Variants in ANKS1B observed in about 807,000 individuals in gnomAD.
The protein encoded by ANKS1B is ankyrin repeat and sterile alpha motif domain containing 1B, also known as ankyrin repeat and sterile alpha motif domain-containing protein 1B.
ANKS1B carries 36 observed loss-of-function variants against 148.3 expected under a neutral mutation model. That is an observed-to-expected ratio of 0.24 (90% confidence interval 0.19 to 0.32). ANKS1B has a LOEUF of 0.32. Among genes scored for constraint, ANKS1B ranks in the 10% least tolerant of loss-of-function variants. The pLI is 1.00. For missense variants in ANKS1B, 1,157 were observed against 1,542.6 expected, an observed-to-expected ratio of 0.75 and a Z score of 4.19; for synonymous variants, 542 against 560.8, an observed-to-expected ratio of 0.97 and a Z score of 0.47.
intron 1 of ANKS1B, among the ~76,000 whole-genome samples, chr12:99,963,919 C>T (rs1224248576): frequency 6.6e-6 from 1 of 152,166 alleles, no homozygotes; most frequent in African/African-American, 2.4e-5. Flanking sequence ...ATTCTGCAAA[C>T]TCAACTTCTT....
At chr12:99,810,292 C>T (rs879842530) in intron 3 of ANKS1B, among the ~76,000 whole-genome samples, 2 of 151,864 alleles carry the variant, frequency 1.3e-5, no homozygotes, top group African/African-American at 2.4e-5. Context: ...AGAACAGTGC[C>T]CGCTTTACCT....
intron 12 of ANKS1B, among the ~76,000 whole-genome samples, chr12:99,327,945 TGTGTGG>T (rs1178070266): frequency 7.2e-5 from 11 of 151,848 alleles, no homozygotes. Flanking sequence ...CTATTTTCTG[TGTGTGG>T]TGAGGCTCCT....
intron 1 of ANKS1B, among the ~76,000 whole-genome samples, chr12:99,945,674 A>G (rs2095042738): frequency 6.6e-6 from 1 of 152,224 alleles, no homozygotes; most frequent in Non-Finnish European, 1.5e-5. Context: ...CACTTAATCC[A>G]GAACACCAAG....
chr12:98,914,533 C>A (rs913932453), intron 17 of ANKS1B, among the ~76,000 whole-genome samples: 6 of 152,198 alleles, frequency 3.9e-5, no homozygotes, highest in Middle Eastern at 6.8e-3. Flanking sequence ...TCTCTAGGAG[C>A]CTTGATATTC....
intron 11 of ANKS1B, among the ~76,000 whole-genome samples, chr12:99,409,932 G>C (rs143403086): frequency 3.9e-5 from 6 of 152,236 alleles, no homozygotes; most frequent in Non-Finnish European, 7.4e-5. Flanking sequence ...ACTTGTGTTC[G>C]TTGTGGCTTC....
chr12:99,730,893 T>G (rs1411270728), intron 8 of ANKS1B, among the ~76,000 whole-genome samples: 1 of 152,166 alleles, frequency 6.6e-6, no homozygotes, highest in Non-Finnish European at 1.5e-5. Flanking sequence ...TTAAATGGTA[T>G]GTTGTTGGGT....
At chr12:99,050,694 T>C (rs992086205) in intron 17 of ANKS1B, among the ~76,000 whole-genome samples, 2 of 143,482 alleles carry the variant, frequency 1.4e-5, no homozygotes, top group Non-Finnish European at 3.1e-5. Context: ...CTTTTTCTTT[T>C]TTTTTTTTTT....
intron 17 of ANKS1B, among the ~76,000 whole-genome samples, chr12:99,008,508 T>C (rs935510396): frequency 2.0e-5 from 3 of 152,180 alleles, no homozygotes; most frequent in Non-Finnish European, 4.4e-5. Flanking sequence ...AATCATAGAC[T>C]GTACTTTTTC....
chr12:99,190,897 G>A (rs1356529366), intron 14 of ANKS1B, among the ~76,000 whole-genome samples: 1 of 152,052 alleles, frequency 6.6e-6, no homozygotes, highest in Non-Finnish European at 1.5e-5. Flanking sequence ...TATCATGAGA[G>A]TGAACAGGCA....
At chr12:99,053,518 G>A (rs1324294994) in intron 16 of ANKS1B, among the ~76,000 whole-genome samples, 1 of 152,142 alleles carries the variant, frequency 6.6e-6, no homozygotes, top group Non-Finnish European at 1.5e-5. Context: ...AATATACACA[G>A]AAATTTCCAA....
chr12:99,064,810 A>G lies in ANKS1B; in HGVS notation c.2626-11501T>C, dbSNP rs565853677. Among the ~76,000 whole-genome samples the G allele has an allele frequency of 2.0e-5, 3 of 152,280 alleles. No homozygotes were observed. The South Asian group carries it at 6.2e-4, about 32-fold the overall frequency. On this transcript the variant is annotated intron_variant, in intron 16 of 26. Transcript: ENST00000683438. ...ATGGTCCTTGGGGTTGAATTATTTT[A>G]TTGAATGGTTTTGTTGTACCTCTCC...
At chr12:99,361,634 T>C (rs566637243) in intron 12 of ANKS1B, among the ~76,000 whole-genome samples, 1 of 152,236 alleles carries the variant, frequency 6.6e-6, no homozygotes, top group East Asian at 1.9e-4. Flanking sequence ...CAATATGATA[T>C]GGTTAATAAA....
At chr12:99,367,786 TTG>T (rs370684225) in intron 12 of ANKS1B, among the ~76,000 whole-genome samples, 58 of 147,886 alleles carry the variant, frequency 3.9e-4, no homozygotes, top group East Asian at 8.0e-4. Context: ...GTGTGTGTGC[TTG>T]TGTGTGTGTG....
chr12:98,907,238 T>C (rs901355104), intron 17 of ANKS1B, among the ~76,000 whole-genome samples: 1 of 152,222 alleles, frequency 6.6e-6, no homozygotes, highest in African/African-American at 2.4e-5. Context: ...TTGATGGACA[T>C]ATGAAGATGG....
intron 12 of ANKS1B, among the ~76,000 whole-genome samples, chr12:99,296,748 CA>C (rs1397433690): frequency 1.3e-5 from 2 of 152,106 alleles, no homozygotes; most frequent in Non-Finnish European, 2.9e-5. Flanking sequence ...TCCCTGAAGC[CA>C]AAAAGTGCCT....
In ANKS1B at chr12:98,968,420, A is replaced by G. The variant is rs372023312; in HGVS notation, c.2778+84737T>C. Among the ~76,000 whole-genome samples, 11 of 152,166 alleles carry G rather than the reference A, an allele frequency of 7.2e-5. No homozygotes were observed. In the East Asian group the frequency reaches 9.6e-4, roughly 13 times the overall value. On this transcript the variant is annotated intron_variant, in intron 17 of 26. Transcript: ENST00000683438. ...TCTCCAGTGATTCTGATGCTTGCTCAAGTTGGAGAACTACTGCTCTAGATA... is the reference window on the plus strand; with the variant it reads ...TCTCCAGTGATTCTGATGCTTGCTCGAGTTGGAGAACTACTGCTCTAGATA...
rs79037636 is a variant in ANKS1B at position 98,908,767 on chromosome 12, G to A, written c.2779-76631C>T. On this transcript the variant is annotated intron_variant, in intron 17 of 26. Transcript: ENST00000683438. ...TGCCATTGTTCCCAAGAGGAAGGTG[G>A]CAAAGAAAGAGTTGGTGAGGGCGAA... Among the ~76,000 whole-genome samples the A allele has an allele frequency of 2.5e-3, 386 of 152,304 alleles. 14 individuals are homozygous for A. The East Asian group carries it at 0.061, about 24-fold the overall frequency.
intron 12 of ANKS1B, among the ~76,000 whole-genome samples, chr12:99,294,564 T>C (rs1416696621): frequency 6.6e-6 from 1 of 152,162 alleles, no homozygotes; most frequent in Non-Finnish European, 1.5e-5. Flanking sequence ...ATGGGGATGG[T>C]TAGCGGATAC....
chr12:99,340,297 T>C (rs2089683416), intron 12 of ANKS1B, among the ~76,000 whole-genome samples: 1 of 152,036 alleles, frequency 6.6e-6, no homozygotes, highest in South Asian at 2.1e-4. Flanking sequence ...TCAGCTGTGA[T>C]AAAGCAAAAA....
Sources: gnomAD v4.1 joint callset for allele counts (sites outside exome capture counted in the v4.1 genomes callset) on GRCh38, gnomAD v4.1.1 for gene constraint, MANE v1.5 for transcripts, NCBI Gene and HGNC (gene_info 2026-07-23, HGNC 2026-07-21) for gene names.